Variants in EEA1 observed in about 807,000 individuals in gnomAD.
EEA1 encodes early endosome antigen 1, 162kD.
Under a neutral mutation model 209.2 loss-of-function variants are expected in EEA1, and 111 were observed. That is an observed-to-expected ratio of 0.53 (90% confidence interval 0.45 to 0.62). EEA1 has a LOEUF of 0.62. Among genes scored for constraint, EEA1 ranks in the 20% least tolerant of loss-of-function variants. The pLI is 0.00. For synonymous variants in EEA1, 536 were observed against 540.6 expected (o/e 0.99, Z 0.12); for missense variants, 1,343 against 1,530.8 (o/e 0.88, Z 2.05).
At position 92,864,889 on chromosome 12, in the gene EEA1, A is replaced by G. The variant is rs17194451; in HGVS notation, c.216T>C (p.His72=). 0.29 allele frequency: 466,889 copies of G among 1,607,166 alleles called. 73,696 individuals are homozygous for G. The highest frequency in any genetic ancestry group is 0.33 in the Non-Finnish European group (383,990 of 1,176,692). The change falls in exon 3 of 29, where the codon CAT becomes CAC. Residue 72 remains histidine, a synonymous_variant. Coordinates refer to ENST00000322349, the MANE Select transcript of EEA1 (RefSeq NM_003566.4). ...AVHDAGNDSG[H]GGESNLALKR... is the part of the protein sequence containing the mutation. ...TCAAAGCAAGATTAGACTCTCCTCC[A>G]TGACCTGAGTCATTACCAGCATCAT...
chr12:92,800,852 C>T (rs569962999), intron 20 of EEA1, among the ~76,000 whole-genome samples: 1 of 152,322 alleles, frequency 6.6e-6, no homozygotes, highest in East Asian at 1.9e-4. Flanking sequence ...AGAACTTGGG[C>T]ATGAAGCAAT....
Position 92,929,154 on chromosome 12 carries a change from C to G in EEA1, c.-88G>C, listed in dbSNP as rs1881332225. ...ACTCGGGGTGCGCGGGCGGGAGGGACTGGGCCGGGAGGGGACCGGGAAGGA... is the reference window on the plus strand; with the variant it reads ...ACTCGGGGTGCGCGGGCGGGAGGGAGTGGGCCGGGAGGGGACCGGGAAGGA... On this transcript the variant is annotated 5_prime_UTR_variant, in exon 1 of 29. Transcript: ENST00000322349. 1.5e-6 allele frequency: 2 copies of G among 1,328,190 alleles called. No individual in the cohort carries two copies. The highest frequency in any genetic ancestry group is 2.1e-6 in the Non-Finnish European group (2 of 972,324). The allele number at this position is 1,328,190 out of a possible 1,614,324, so 82.3% of individuals were successfully genotyped here.
At position 92,858,145 on chromosome 12, in the gene EEA1, A is replaced by T; in HGVS notation, c.246-660T>A. 5.0e-6 allele frequency: 3 copies of T among 603,280 alleles called. No individual in the cohort carries two copies. In the Admixed American group the frequency reaches 7.2e-5, roughly 15 times the overall value. 37.4% of individuals were successfully genotyped at this position (603,280 alleles called of 1,614,324 possible). ...AGAAGGGCACATTCCTCTTCACCTC[A>T]GAGTTGGTGGGGGAAGGCCCACCCA... is the stretch of plus-strand genomic sequence containing the variant. On this transcript the variant is annotated intron_variant, in intron 3 of 28. Transcript: ENST00000322349.
At chr12:92,837,540 A>G (rs1396433126) in intron 10 of EEA1, among the ~76,000 whole-genome samples, 3 of 152,158 alleles carry the variant, frequency 2.0e-5, no homozygotes, top group African/African-American at 7.2e-5. Context: ...TCTTCCAATG[A>G]CCTATATTAT....
At chr12:92,790,314 G>A (rs529025760) in intron 21 of EEA1, among the ~76,000 whole-genome samples, 16 of 152,240 alleles carry the variant, frequency 1.1e-4, no homozygotes, top group African/African-American at 2.9e-4. Flanking sequence ...GCTTCAGAAG[G>A]TTGGTAATAA....
At chr12:92,797,207 C>T (rs1174923886) in intron 21 of EEA1, among the ~76,000 whole-genome samples, 1 of 152,166 alleles carries the variant, frequency 6.6e-6, no homozygotes, top group African/African-American at 2.4e-5. Flanking sequence ...CCTGCCTCAG[C>T]CTTCGGAGTA....
chr12:92,923,846 A>C (rs112186292), intron 1 of EEA1, among the ~76,000 whole-genome samples: 1,118 of 100,190 alleles, frequency 0.011, 6 homozygotes, highest in Middle Eastern at 0.023. Context: ...CCTCATCTAC[A>C]AAAAAAAAAA....
intron 24 of EEA1, among the ~76,000 whole-genome samples, chr12:92,779,761 G>A (rs993101222): frequency 3.3e-5 from 5 of 152,122 alleles, no homozygotes; most frequent in Admixed American, 6.5e-5. Flanking sequence ...AGGACATTAT[G>A]AGTGCTCTCA....
intron 28 of EEA1, among the ~76,000 whole-genome samples, chr12:92,776,609 T>C (rs1282073054): frequency 1.3e-5 from 2 of 151,956 alleles, no homozygotes; most frequent in South Asian, 2.1e-4. Flanking sequence ...ATTCAGAAAA[T>C]GATTGTCCCA....
At chr12:92,902,740 TAAAAAAAAAA>T (rs35323066) in intron 1 of EEA1, among the ~76,000 whole-genome samples, 1 of 125,100 alleles carries the variant, frequency 8.0e-6, no homozygotes, top group African/African-American at 3.0e-5. Context: ...AATTCTGTCT[TAAAAAAAAAA>T]AAAAAAAAGG....
intron 13 of EEA1, among the ~76,000 whole-genome samples, chr12:92,820,451 T>G (rs1875994171): frequency 6.6e-6 from 1 of 152,116 alleles, no homozygotes; most frequent in Non-Finnish European, 1.5e-5. Flanking sequence ...ACCAAACCTC[T>G]CTGCCTCTCA....
At chr12:92,920,687 G>A (rs1880949970) in intron 1 of EEA1, among the ~76,000 whole-genome samples, 1 of 151,400 alleles carries the variant, frequency 6.6e-6, no homozygotes, top group Admixed American at 6.6e-5. Flanking sequence ...CATAGGCATG[G>A]GCAAGGACTT....
intron 21 of EEA1, among the ~76,000 whole-genome samples, chr12:92,795,366 G>A (rs76585979): frequency 0.034 from 5,139 of 152,208 alleles, 134 homozygotes; most frequent in Non-Finnish European, 0.053. Flanking sequence ...TCTCTGTTTA[G>A]TTTCTCTACG....
chr12:92,866,488 G>A (rs2136725597), intron 2 of EEA1, among the ~76,000 whole-genome samples: 1 of 151,502 alleles, frequency 6.6e-6, no homozygotes, highest in Non-Finnish European at 1.5e-5. Context: ...AGTTTTATTA[G>A]AATGTACAGC....
intron 11 of EEA1, among the ~76,000 whole-genome samples, chr12:92,831,934 A>T (rs896973636): frequency 4.7e-5 from 7 of 148,524 alleles, no homozygotes; most frequent in Admixed American, 4.7e-4. Flanking sequence ...AAATACAAAA[A>T]AAATTAGCCG....
chr12:92,781,163 G>A (rs1215711757), intron 23 of EEA1, among the ~76,000 whole-genome samples: 3 of 152,014 alleles, frequency 2.0e-5, no homozygotes, highest in Non-Finnish European at 4.4e-5. Flanking sequence ...CTCCTCCTTG[G>A]TCTCTGGGAG....
At chr12:92,879,197 C>G (rs1592753020) in intron 2 of EEA1, 2 of 301,916 alleles carry the variant, frequency 6.6e-6, no homozygotes, top group Non-Finnish European at 1.2e-5. Context: ...CTTTTGGATT[C>G]TGGATTTTTT....
At chr12:92,811,092 G>T (rs961406184) in intron 17 of EEA1, among the ~76,000 whole-genome samples, 187 bp downstream of exon 17, 1 of 151,988 alleles carries the variant, frequency 6.6e-6, no homozygotes, top group Non-Finnish European at 1.5e-5. Context: ...CTCATTAAGG[G>T]AGACATTAAA....
intron 22 of EEA1, among the ~76,000 whole-genome samples, chr12:92,786,367 AAAT>A (rs537525068): frequency 1.1e-4 from 16 of 152,198 alleles, no homozygotes; most frequent in Non-Finnish European, 2.4e-4. Context: ...TTGTAAGGTC[AAAT>A]AATAATAATT....
Sources: gnomAD v4.1 joint callset for allele counts (sites outside exome capture counted in the v4.1 genomes callset) on GRCh38, gnomAD v4.1.1 for gene constraint, MANE v1.5 for transcripts, NCBI Gene and HGNC (gene_info 2026-07-23, HGNC 2026-07-21) for gene names.